Variants in PTPRG observed in about 807,000 individuals in gnomAD.
PTPRG encodes protein tyrosine phosphatase receptor type G.
A neutral mutation model predicts 165.3 loss-of-function variants in PTPRG; 102 were observed. That is an observed-to-expected ratio of 0.62 (90% CI 0.53 to 0.73). The LOEUF is 0.73. Among genes scored for constraint, PTPRG ranks in the 30% least tolerant of loss-of-function variants. The probability of loss-of-function intolerance (pLI) is 0.00; values close to 1 mark genes in which losing one functional copy is unlikely to be tolerated. For missense variants in PTPRG, 1,866 were observed against 1,861.4 expected, an observed-to-expected ratio of 1.00 and a Z score of -0.05; for synonymous variants, 675 against 669.5, an observed-to-expected ratio of 1.01 and a Z score of -0.13.
At chr3:61,968,851 G>A (rs937312940) in intron 2 of PTPRG, among the ~76,000 whole-genome samples, 1 of 152,162 alleles carries the variant, frequency 6.6e-6, no homozygotes, top group Non-Finnish European at 1.5e-5. Flanking sequence ...TGCTATGGCA[G>A]TTGGTCAACT....
chr3:61,830,626 G>A (rs1009763886), intron 2 of PTPRG, among the ~76,000 whole-genome samples: 2 of 134,190 alleles, frequency 1.5e-5, no homozygotes, highest in Non-Finnish European at 3.1e-5. Context: ...CCATGCTGGA[G>A]TGCAATGCCG....
chr3:62,038,795 C>T (rs977906517), intron 4 of PTPRG, among the ~76,000 whole-genome samples: 1 of 151,960 alleles, frequency 6.6e-6, no homozygotes, highest in African/African-American at 2.4e-5. Context: ...TTTCCAACTT[C>T]CTCTATTTTT....
chr3:61,676,318 G>A (rs970571662), intron 1 of PTPRG, among the ~76,000 whole-genome samples: 4 of 151,478 alleles, frequency 2.6e-5, no homozygotes, highest in South Asian at 4.2e-4. Flanking sequence ...TTAGCTGGGT[G>A]TGGTGGCGGG....
chr3:61,818,722 C>T (rs966279347), intron 2 of PTPRG, among the ~76,000 whole-genome samples: 2 of 151,096 alleles, frequency 1.3e-5, no homozygotes, highest in Non-Finnish European at 3.0e-5. Flanking sequence ...TAAAGGAGAA[C>T]CAAAATATGT....
chr3:61,683,135 C>A (rs956095985), intron 1 of PTPRG, among the ~76,000 whole-genome samples: 12 of 152,170 alleles, frequency 7.9e-5, no homozygotes, highest in African/African-American at 2.9e-4. Context: ...ATTATGGAAT[C>A]TTTGAGGTGT....
chr3:62,105,184 T>A (rs1004117187), intron 5 of PTPRG, among the ~76,000 whole-genome samples: 2 of 152,178 alleles, frequency 1.3e-5, no homozygotes, highest in African/African-American at 4.8e-5. Context: ...TTCATAGATA[T>A]TTATGCATGG....
At chr3:62,202,617 T>C (rs1700119359) in intron 11 of PTPRG, among the ~76,000 whole-genome samples, 1 of 152,242 alleles carries the variant, frequency 6.6e-6, no homozygotes, top group Non-Finnish European at 1.5e-5. Context: ...GTGCAGAGCA[T>C]GGCTCCTGCC....
At chr3:61,762,479 T>C (rs1158413348) in intron 2 of PTPRG, among the ~76,000 whole-genome samples, 5 of 151,876 alleles carry the variant, frequency 3.3e-5, no homozygotes, top group Admixed American at 2.0e-4. Flanking sequence ...GGTGTAGTGG[T>C]GGGTGCCTGT....
At chr3:62,121,316 G>A (rs1211778191) in intron 5 of PTPRG, among the ~76,000 whole-genome samples, 2 of 151,976 alleles carry the variant, frequency 1.3e-5, no homozygotes, top group African/African-American at 4.8e-5. Context: ...CACGGATCTT[G>A]GATGTGTTAG....
At chr3:61,745,238 G>A (rs543666601) in intron 1 of PTPRG, among the ~76,000 whole-genome samples, 26 of 151,856 alleles carry the variant, frequency 1.7e-4, no homozygotes, top group Non-Finnish European at 3.5e-4. Context: ...TAGTAGAGAC[G>A]AGGTTTCACC....
chr3:62,265,647 A>G lies in PTPRG; in HGVS notation c.2657-1763A>G, dbSNP rs184461053. On this transcript the variant is annotated intron_variant, in intron 17 of 29. Coordinates refer to ENST00000474889, the MANE Select transcript of PTPRG (RefSeq NM_002841.4). ...TCTGAGAAAATGAACTGGTTAAAAA[A>G]GCCAGGGGGAGAACAAGGAAGAAAG... 5.3e-4 allele frequency among the ~76,000 whole-genome samples: 80 copies of G among 152,150 alleles called. 1 individual carries two copies. Among genetic ancestry groups the G allele is most frequent in the Non-Finnish European group, 2.4e-4 (16 of 68,016 alleles).
intron 19 of PTPRG, 32 bp downstream of exon 19, chr3:62,267,851 T>C: frequency 6.2e-7 from 1 of 1,602,892 alleles, no homozygotes. Flanking sequence ...ATCTTAATAA[T>C]GCACCTTCAT....
chr3:62,272,636 G>C (rs890371120), intron 21 of PTPRG, among the ~76,000 whole-genome samples: 2 of 152,120 alleles, frequency 1.3e-5, no homozygotes, highest in Non-Finnish European at 2.9e-5. Flanking sequence ...CTGAGGTCAG[G>C]AGTTCGATAC....
intron 2 of PTPRG, among the ~76,000 whole-genome samples, chr3:61,755,833 A>G (rs1470393760): frequency 6.6e-6 from 1 of 152,218 alleles, no homozygotes; most frequent in Non-Finnish European, 1.5e-5. Context: ...GTGACATAGA[A>G]CTTCTTTCTA....
intron 28 of PTPRG, among the ~76,000 whole-genome samples, chr3:62,284,255 A>G (rs1702556039): frequency 6.6e-6 from 1 of 152,158 alleles, no homozygotes; most frequent in Non-Finnish European, 1.5e-5. Context: ...CCACCAGTTA[A>G]ATACTAAACA....
chr3:61,602,879 A>T (rs1193257644), intron 1 of PTPRG, among the ~76,000 whole-genome samples: 1 of 152,214 alleles, frequency 6.6e-6, no homozygotes, highest in East Asian at 1.9e-4. Context: ...ACTTACAATT[A>T]AATTACATTT....
At chr3:61,938,229 T>C (rs1489546770) in intron 2 of PTPRG, among the ~76,000 whole-genome samples, 2 of 136,208 alleles carry the variant, frequency 1.5e-5, no homozygotes, top group African/African-American at 5.8e-5. Flanking sequence ...CCCCTTTTTC[T>C]TTTTCCTTTT....
At chr3:61,692,547 C>T (rs538184588) in intron 1 of PTPRG, among the ~76,000 whole-genome samples, 1 of 152,048 alleles carries the variant, frequency 6.6e-6, no homozygotes, top group Non-Finnish European at 1.5e-5. Flanking sequence ...CACCTGGGTA[C>T]AGGCGGGCTG....
chr3:61,771,499 C>T (rs1383427172), intron 2 of PTPRG: 4 of 152,004 alleles, frequency 2.6e-5, no homozygotes. Flanking sequence ...TCTATGTGTT[C>T]AGTCACTTAA....
Sources: allele counts gnomAD v4.1 joint callset (sites outside exome capture counted in the v4.1 genomes callset), GRCh38; gene constraint gnomAD v4.1.1; transcripts MANE v1.5; gene names NCBI Gene and HGNC (gene_info 2026-07-23, HGNC 2026-07-21).